The following SLC39A11 variants were observed in gnomAD, a reference collection of about 807,000 sequenced individuals.
SLC39A11 encodes zinc transporter ZIP11.
Under a neutral mutation model 36.1 loss-of-function variants are expected in SLC39A11, and 33 were observed. The observed-to-expected ratio is 0.91, with a 90% confidence interval of 0.69 to 1.22. SLC39A11 has a LOEUF of 1.22. Ranked by LOEUF, SLC39A11 falls within the 50% of genes most tolerant of loss-of-function variation. The pLI is 0.00. For synonymous variants in SLC39A11, 166 were observed against 170.3 expected (o/e 0.97, Z 0.20); for missense variants, 432 against 430.3 (o/e 1.00, Z -0.03).
intron 7 of SLC39A11, among the ~76,000 whole-genome samples, chr17:72,665,639 C>T (rs942921310): frequency 3.9e-5 from 6 of 152,126 alleles, no homozygotes; most frequent in Middle Eastern, 3.4e-3. Context: ...TCTCCTACCT[C>T]AGCTCCCAAA....
intron 4 of SLC39A11, among the ~76,000 whole-genome samples, chr17:73,029,408 T>C (rs954004239): frequency 6.6e-6 from 1 of 151,952 alleles, no homozygotes; most frequent in African/African-American, 2.4e-5. Flanking sequence ...TTGAAGCCAC[T>C]GGTCACCTGT....
At chr17:72,774,401 A>C (rs535560870) in intron 6 of SLC39A11, among the ~76,000 whole-genome samples, 1 of 152,290 alleles carries the variant, frequency 6.6e-6, no homozygotes, top group African/African-American at 2.4e-5. Context: ...CAACTTTGGG[A>C]AGTAAATGCA....
At chr17:72,884,418 T>C (rs1183454965) in intron 5 of SLC39A11, among the ~76,000 whole-genome samples, 1 of 152,246 alleles carries the variant, frequency 6.6e-6, no homozygotes, top group Non-Finnish European at 1.5e-5. Flanking sequence ...AGAAAGTCTT[T>C]AGCTTGGAAG....
At chr17:72,907,360 C>T (rs1474738040) in intron 5 of SLC39A11, among the ~76,000 whole-genome samples, 5 of 152,192 alleles carry the variant, frequency 3.3e-5, no homozygotes, top group South Asian at 2.1e-4. Flanking sequence ...CACAGTGGCA[C>T]GTGCCTATAA....
chr17:72,935,011 G>A (rs773927787), intron 5 of SLC39A11, among the ~76,000 whole-genome samples: 5 of 152,200 alleles, frequency 3.3e-5, no homozygotes, highest in South Asian at 2.1e-4. Context: ...TCTCACTCCC[G>A]GGTATTTAGC....
chr17:72,788,395 C>T (rs923206921), intron 6 of SLC39A11, among the ~76,000 whole-genome samples: 33 of 152,196 alleles, frequency 2.2e-4, no homozygotes, highest in Non-Finnish European at 7.3e-5. Flanking sequence ...ACATTAGCAT[C>T]TAGAGGGTCC....
At chr17:72,751,252 CA>C (rs1285149207) in intron 6 of SLC39A11, among the ~76,000 whole-genome samples, 2 of 151,710 alleles carry the variant, frequency 1.3e-5, no homozygotes, top group Non-Finnish European at 2.9e-5. Flanking sequence ...CATCTCAAAA[CA>C]AAAAAGTGAG....
intron 6 of SLC39A11, among the ~76,000 whole-genome samples, chr17:72,749,040 T>C (rs2075051060): frequency 6.6e-6 from 1 of 152,164 alleles, no homozygotes; most frequent in South Asian, 2.1e-4. Flanking sequence ...CCAAGGGAGT[T>C]GTTAGTTTTG....
intron 5 of SLC39A11, among the ~76,000 whole-genome samples, chr17:72,918,073 A>C (rs2083433717): frequency 6.6e-6 from 1 of 152,230 alleles, no homozygotes; most frequent in African/African-American, 2.4e-5. Context: ...GGTGCTTATT[A>C]TCTCTCCTCT....
intron 6 of SLC39A11, among the ~76,000 whole-genome samples, chr17:72,786,787 G>A (rs970585863): frequency 2.6e-5 from 4 of 152,200 alleles, no homozygotes; most frequent in African/African-American, 9.6e-5. Context: ...GGTCCTAGAG[G>A]CAGACTCTAG....
chr17:72,827,840 A>T lies in SLC39A11; in HGVS notation c.601+21794T>A, dbSNP rs116087210. Among the ~76,000 whole-genome samples the T allele has an allele frequency of 6.2e-3, 950 of 152,310 alleles. 15 individuals carry two copies. Among genetic ancestry groups the T allele is most frequent in the African/African-American group, 0.022 (926 of 41,568 alleles). ...AGACTGAATACACTGTAGCACAGGC[A>T]CTCGCAGACAGACCCCTGGCCAGGT... On this transcript the variant is annotated intron_variant, in intron 6 of 9. Transcript: ENST00000255559.
chr17:72,930,677 T>A (rs1047099652), intron 5 of SLC39A11, among the ~76,000 whole-genome samples: 3 of 152,100 alleles, frequency 2.0e-5, no homozygotes, highest in African/African-American at 4.8e-5. Flanking sequence ...CTGAGAAGGG[T>A]GGCCTCAAGG....
At chr17:72,838,189 A>G (rs973852852) in intron 6 of SLC39A11, 3 of 397,492 alleles carry the variant, frequency 7.5e-6, no homozygotes, top group Non-Finnish European at 1.3e-5. Flanking sequence ...TTTCAGATAT[A>G]CTAAAACCAC....
intron 4 of SLC39A11, among the ~76,000 whole-genome samples, chr17:72,988,886 T>G (rs994827766): frequency 3.3e-5 from 5 of 152,082 alleles, no homozygotes; most frequent in African/African-American, 1.2e-4. Flanking sequence ...TTTTTGTATT[T>G]TTAGTAGAGA....
chr17:73,005,235 C>T (rs1408637036), intron 4 of SLC39A11, among the ~76,000 whole-genome samples: 4 of 152,206 alleles, frequency 2.6e-5, no homozygotes, highest in Non-Finnish European at 5.9e-5. Context: ...ACCTCTGCCT[C>T]GCAAAGTGCT....
intron 5 of SLC39A11, among the ~76,000 whole-genome samples, chr17:72,902,248 G>A (rs867293532): frequency 1.3e-4 from 19 of 151,708 alleles, no homozygotes; most frequent in Middle Eastern, 3.4e-3. Context: ...TCCAGCCTGG[G>A]TAATAAGAGC....
At chr17:72,845,782 C>T (rs888251808) in intron 6 of SLC39A11, among the ~76,000 whole-genome samples, 8 of 152,148 alleles carry the variant, frequency 5.3e-5, no homozygotes, top group Non-Finnish European at 1.0e-4. Flanking sequence ...CCCTTCAAAC[C>T]TCTCCATCCA....
chr17:73,072,964 G>A (rs2060208536), intron 3 of SLC39A11, among the ~76,000 whole-genome samples: 1 of 152,236 alleles, frequency 6.6e-6, no homozygotes, highest in Non-Finnish European at 1.5e-5. Flanking sequence ...TGGATCACTT[G>A]TGGTCAGGAG....
At chr17:72,979,632 G>A (rs1050312233) in intron 4 of SLC39A11, among the ~76,000 whole-genome samples, 12 of 152,076 alleles carry the variant, frequency 7.9e-5, no homozygotes, top group African/African-American at 2.4e-4. Context: ...ACAGAAAATC[G>A]AGCCAGTTCA....
Sources: gnomAD v4.1 joint callset for allele counts (sites outside exome capture counted in the v4.1 genomes callset) on GRCh38, gnomAD v4.1.1 for gene constraint, MANE v1.5 for transcripts, NCBI Gene and HGNC (gene_info 2026-07-23, HGNC 2026-07-21) for gene names.